The following KHDRBS3 variants were observed in gnomAD, a reference collection of about 807,000 sequenced individuals.
KHDRBS3 encodes the protein KH domain-containing, RNA-binding, signal transduction-associated protein 3.
Under a neutral mutation model 45.6 loss-of-function variants are expected in KHDRBS3, and 23 were observed. The ratio of observed to expected loss-of-function variants is 0.50; its 90% confidence interval spans 0.36 to 0.72. The LOEUF is 0.72. KHDRBS3 is among the 30% of genes least tolerant of loss of function. The pLI is 0.00. For missense variants in KHDRBS3, 352 were observed against 424.8 expected, an observed-to-expected ratio of 0.83 and a Z score of 1.51; for synonymous variants, 162 against 156.5, an observed-to-expected ratio of 1.04 and a Z score of -0.26.
intron 4 of KHDRBS3, among the ~76,000 whole-genome samples, chr8:135,551,366 T>C (rs555080414): frequency 4.5e-4 from 68 of 152,284 alleles, no homozygotes; most frequent in Middle Eastern, 6.8e-3. Flanking sequence ...TCTTTCACCA[T>C]TGGCTATAGG....
chr8:135,494,273 ATTTTTTT>A (rs386414089), intron 1 of KHDRBS3, among the ~76,000 whole-genome samples: 16 of 78,624 alleles, frequency 2.0e-4, no homozygotes, highest in South Asian at 5.5e-4. Flanking sequence ...TGTTTCTCTT[ATTTTTTT>A]TTTTTTTTTT....
chr8:135,550,411 G>C, intron 4 of KHDRBS3, among the ~76,000 whole-genome samples: 1 of 152,084 alleles, frequency 6.6e-6, no homozygotes, highest in Middle Eastern at 3.2e-3. Flanking sequence ...TTGTATATTT[G>C]AGGTTAGTCT....
chr8:135,626,163 CATT>C (rs1830350330), intron 7 of KHDRBS3, among the ~76,000 whole-genome samples: 2 of 152,300 alleles, frequency 1.3e-5, no homozygotes, highest in African/African-American at 4.8e-5. Context: ...GTATATAACA[CATT>C]ATTTCATTTA....
chr8:135,474,308 C>A (rs781443441), intron 1 of KHDRBS3, among the ~76,000 whole-genome samples: 4 of 152,146 alleles, frequency 2.6e-5, no homozygotes, highest in Non-Finnish European at 5.9e-5. Context: ...AACCAAATCC[C>A]AATATTCACA....
At chr8:135,578,188 C>A (rs902381533) in intron 5 of KHDRBS3, among the ~76,000 whole-genome samples, 1 of 151,996 alleles carries the variant, frequency 6.6e-6, no homozygotes, top group African/African-American at 2.4e-5. Flanking sequence ...TGTGGCTTGT[C>A]TCTTTATCTC....
At chr8:135,469,584 A>T (rs1821904477) in intron 1 of KHDRBS3, among the ~76,000 whole-genome samples, 1 of 143,846 alleles carries the variant, frequency 7.0e-6, no homozygotes, top group Non-Finnish European at 1.5e-5. Context: ...GCTGGAGTGC[A>T]ATGGCGCGGT....
At chr8:135,484,378 CTT>C (rs1385459861) in intron 1 of KHDRBS3, among the ~76,000 whole-genome samples, 1 of 152,210 alleles carries the variant, frequency 6.6e-6, no homozygotes, top group African/African-American at 2.4e-5. Flanking sequence ...GAATGGAAGA[CTT>C]TGGCTGACCC....
intron 1 of KHDRBS3, among the ~76,000 whole-genome samples, chr8:135,465,337 T>C (rs778014434): frequency 6.6e-6 from 1 of 152,216 alleles, no homozygotes; most frequent in Non-Finnish European, 1.5e-5. Context: ...TTACCTGCAA[T>C]TTTTATAAAA....
chr8:135,615,632 T>A (rs997824120), intron 7 of KHDRBS3, among the ~76,000 whole-genome samples: 1 of 152,224 alleles, frequency 6.6e-6, no homozygotes, highest in Non-Finnish European at 1.5e-5. Context: ...GATTAGATTA[T>A]AAAGTTATTG....
intron 1 of KHDRBS3, among the ~76,000 whole-genome samples, chr8:135,462,226 TTG>T (rs1821464603): frequency 1.3e-5 from 2 of 150,306 alleles, no homozygotes; most frequent in Non-Finnish European, 2.9e-5. Context: ...TTGTTTTTCT[TTG>T]TGTTATCAGT....
chr8:135,578,895 T>C lies in KHDRBS3; in HGVS notation c.612-2983T>C, dbSNP rs543553309. Among the ~76,000 whole-genome samples, 8 of 152,352 alleles carry C rather than the reference T, an allele frequency of 5.3e-5. No homozygotes were observed. The South Asian group carries it at 6.2e-4, about 12-fold the overall frequency. ...CATCAGAGTTTTGTAGTTTTCTACATAGGAATACTGTACATATTTTGTTAA... is the reference window on the plus strand; with the variant it reads ...CATCAGAGTTTTGTAGTTTTCTACACAGGAATACTGTACATATTTTGTTAA... On this transcript the variant is annotated intron_variant, in intron 5 of 8. Coordinates refer to ENST00000355849, the MANE Select transcript of KHDRBS3 (RefSeq NM_006558.3).
chr8:135,537,583 A>G (rs1450929732), intron 2 of KHDRBS3, among the ~76,000 whole-genome samples: 1 of 152,204 alleles, frequency 6.6e-6, no homozygotes, highest in Non-Finnish European at 1.5e-5. Context: ...AACTCAGGGT[A>G]TGTGACTTTT....
At chr8:135,543,842 C>G (rs1475101052) in intron 3 of KHDRBS3, among the ~76,000 whole-genome samples, 1 of 152,124 alleles carries the variant, frequency 6.6e-6, no homozygotes, top group Non-Finnish European at 1.5e-5. Flanking sequence ...CATTGGAAAA[C>G]ATGACATGTT....
rs1352769226 is a variant in KHDRBS3, at chr8:135,548,904, A to G, written c.471+4A>G. 1 of 1,568,976 alleles carries G rather than the reference A, an allele frequency of 6.4e-7. No individual in the cohort carries two copies. The highest frequency in any genetic ancestry group is 8.6e-7 in the Non-Finnish European group (1 of 1,161,640). ...AATCAAAAAGTTCCTCATCCCTGTTAGTACCATTTTTCTTGATAGTTAACT... is the reference window on the plus strand; with the variant it reads ...AATCAAAAAGTTCCTCATCCCTGTTGGTACCATTTTTCTTGATAGTTAACT... On this transcript the variant is annotated splice_donor_region_variant and intron_variant, in intron 4 of 8. Coordinates refer to ENST00000355849, the MANE Select transcript of KHDRBS3 (RefSeq NM_006558.3).
At chr8:135,631,112 G>A (rs1029510139) in intron 7 of KHDRBS3, among the ~76,000 whole-genome samples, 2 of 152,050 alleles carry the variant, frequency 1.3e-5, no homozygotes, top group Non-Finnish European at 2.9e-5. Flanking sequence ...TTAGCCAGGT[G>A]TGATGACGTG....
intron 1 of KHDRBS3, among the ~76,000 whole-genome samples, chr8:135,515,124 T>C (rs1824505514): frequency 6.6e-6 from 1 of 151,982 alleles, no homozygotes. Flanking sequence ...CCCAGCACTT[T>C]GGGAGGCCGA....
chr8:135,505,129 T>C (rs959298332), intron 1 of KHDRBS3, among the ~76,000 whole-genome samples: 1 of 152,198 alleles, frequency 6.6e-6, no homozygotes, highest in Non-Finnish European at 1.5e-5. Flanking sequence ...AAAGTTTAGC[T>C]ATTTGGTTTT....
chr8:135,575,530 A>G (rs1238549948), intron 5 of KHDRBS3, among the ~76,000 whole-genome samples: 1 of 152,242 alleles, frequency 6.6e-6, no homozygotes, highest in East Asian at 1.9e-4. Context: ...GGGAAAAGAG[A>G]ACGCCAACTA....
At position 135,546,116 on chromosome 8, in the gene KHDRBS3, G is replaced by A. The variant is rs1410359269; in HGVS notation, c.325-2638G>A. ...TGAGCCACTGCACTCTAACCTGGGTGAAAGAGCAAGACTCTGTCTCCCAAA... is the reference window on the plus strand; with the variant it reads ...TGAGCCACTGCACTCTAACCTGGGTAAAAGAGCAAGACTCTGTCTCCCAAA... On this transcript the variant is annotated intron_variant, in intron 3 of 8. Transcript: ENST00000355849. Among the ~76,000 whole-genome samples, 5 of 151,172 alleles carry A rather than the reference G, an allele frequency of 3.3e-5. No homozygotes were observed. The East Asian group carries it at 9.7e-4, about 29-fold the overall frequency.
Sources: gnomAD v4.1 joint callset for allele counts (sites outside exome capture counted in the v4.1 genomes callset) on GRCh38, gnomAD v4.1.1 for gene constraint, MANE v1.5 for transcripts, NCBI Gene and HGNC (gene_info 2026-07-23, HGNC 2026-07-21) for gene names.